HMCN2: variants seen among roughly 807,000 people sequenced by gnomAD.
HMCN2 encodes hemicentin-2.
In HMCN2, 325 loss-of-function variants were observed where a neutral mutation model predicts 377.5. That is an observed-to-expected ratio of 0.86 (90% CI 0.79 to 0.94). The LOEUF is 0.94. Ranked by LOEUF, HMCN2 falls within the 40% of genes least tolerant of loss-of-function variation. The pLI is 0.00. For missense variants in HMCN2, 4,543 were observed against 4,725.3 expected (o/e 0.96, Z 1.13); for synonymous variants, 2,007 against 2,046.8 (o/e 0.98, Z 0.53).
rs1173204855 is a variant in HMCN2 at position 130,285,337 on chromosome 9, G to A, written c.489+21G>A. 8.5e-6 allele frequency: 4 copies of A among 470,186 alleles called. No individual in the cohort carries two copies. The East Asian group carries it at 2.8e-4, about 33-fold the overall frequency. The allele number at this position is 470,186 out of a possible 1,614,324, so 29.1% of individuals were successfully genotyped here. A position where few individuals can be genotyped will look rare whatever the true frequency, so the allele number is the denominator to read the frequency against. ...CACAGGTGGGTGAGCCGGCTGTGGG[G>A]GCCCAAAGTGGGGTCCCCCGGGGGT... On this transcript the variant is annotated intron_variant, in intron 3 of 97. Coordinates refer to ENST00000683500, the MANE Select transcript of HMCN2 (RefSeq NM_001291815.2).
chr9:130,355,036 A>C lies in HMCN2; in HGVS notation c.5138A>C (p.Glu1713Ala). The change falls in exon 32 of 98, where the codon GAG (glutamate) becomes GCG (alanine). Residue 1713 changes from glutamate to alanine, a missense_variant. Around this residue, in one of 5 missense-constraint regions of HMCN2, gnomAD observed 1,032 missense variants for 1,285.1 expected, o/e 0.80. Transcript: ENST00000683500. ...AGEAVLQYSV[E>A]VQVPPQLLVA... ...GAAGCCGTCCTGCAGTACTCCGTGG[A>C]GGTTCAGGGTGAGCCCGGCCCACCC... 7.8e-7 allele frequency: 1 copy of C among 1,279,372 alleles called. No individual in the cohort carries two copies. The highest frequency in any genetic ancestry group is 1.0e-6 in the Non-Finnish European group (1 of 981,252). The allele number at this position is 1,279,372 out of a possible 1,614,324, so 79.3% of individuals were successfully genotyped here.
chr9:130,398,991 A>G (rs931315372), intron 75 of HMCN2, among the ~76,000 whole-genome samples: 4 of 152,080 alleles, frequency 2.6e-5, no homozygotes, highest in Non-Finnish European at 5.9e-5. Context: ...GGTAGCTCAC[A>G]CCTGTAGTCC....
intron 62 of HMCN2, 28 bp downstream of exon 62, chr9:130,388,568 G>C: frequency 3.0e-6 from 3 of 987,944 alleles, no homozygotes; most frequent in Non-Finnish European, 3.6e-6. Flanking sequence ...TGTCTGTTTC[G>C]CGTAAAGCAT....
rs782028596 is a variant in HMCN2, at chr9:130,303,528, A to C, written c.1463A>C (p.Lys488Thr). The C allele has an allele frequency of 4.6e-6, 2 of 439,276 alleles. No individual in the cohort carries two copies. The highest frequency in any genetic ancestry group is 3.3e-5 in the South Asian group (2 of 60,356). The allele number at this position is 439,276 out of a possible 1,614,324, so 27.2% of individuals were successfully genotyped here. ...AGCTGGGAGATCCTGCGGGCCTCCA[A>C]GGCCGAGGAGGGCACGTACGAGTGC... ...NSSWEILRAS[K>T]AEEGTYECTA... The change falls in exon 10 of 98, where the codon AAG becomes ACG. Residue 488 changes from lysine (K) to threonine (T), a missense_variant. This residue lies in a region of HMCN2 where 547 missense variants were observed against 189.9 expected (regional missense o/e 2.88). Coordinates refer to ENST00000683500, the MANE Select transcript of HMCN2 (RefSeq NM_001291815.2). The surrounding 1 kb of genome is among the most constrained non-coding windows in gnomAD (Gnocchi z 5.2).
At chr9:130,350,857 C>T (rs1008945914) in intron 29 of HMCN2, among the ~76,000 whole-genome samples, 2 of 151,854 alleles carry the variant, frequency 1.3e-5, no homozygotes, top group Non-Finnish European at 1.5e-5. Context: ...AGTGAGCCAT[C>T]GTACTACTGC....
In HMCN2 at chr9:130,427,505, G is replaced by A. The variant is rs114784373; in HGVS notation, c.13951G>A (p.Glu4651Lys). Residue 4651 changes from glutamate (E) to lysine (K), a missense_variant, in exon 92 of 98, where the codon GAG becomes AAG. Glu to Lys is a moderately conservative substitution (Grantham distance 56). This residue lies in a region of HMCN2 where 1,155 missense variants were observed against 1,157.7 expected (regional missense o/e 1.00). Coordinates refer to ENST00000683500, the MANE Select transcript of HMCN2 (RefSeq NM_001291815.2). ...SQGAFCVDRD[E>K]CSGGPSPCSH... ...ACCCCTTCCTGCCCCAGACAGGGAC[G>A]AGTGCTCAGGAGGCCCTAGCCCCTG... is the stretch of plus-strand genomic sequence containing the variant. The A allele has an allele frequency of 3.4e-5, 53 of 1,550,456 alleles. No homozygotes were observed. The highest frequency in any genetic ancestry group is 7.8e-5 in the Admixed American group (4 of 51,002).
At position 130,433,356 on chromosome 9, in the gene HMCN2, T is replaced by A; in HGVS notation, c.14903T>A (p.Phe4968Tyr). 6.9e-7 allele frequency: 1 copy of A among 1,455,526 alleles called. No homozygotes were observed. The highest frequency in any genetic ancestry group is 1.4e-5 in the South Asian group (1 of 73,772). The allele number at this position is 1,455,526 out of a possible 1,614,324, so 90.2% of individuals were successfully genotyped here. A position where few individuals can be genotyped will look rare whatever the true frequency, so the allele number is the denominator to read the frequency against. ...GTCTGTGCCGCCCGCAGGACGTGCT[T>A]CCGGCGCTGCTCGCAGGACTGCGGC... Reference protein sequence around the residue: ...YRQGPSPGTCFRRCSQDCGTG... With the variant: ...YRQGPSPGTCYRRCSQDCGTG... Residue 4968 changes from phenylalanine to tyrosine, a missense_variant, in exon 98 of 98, where the codon TTC (phenylalanine) becomes TAC (tyrosine). Phe to Tyr is a conservative substitution (Grantham distance 22). Transcript: ENST00000683500.
intron 85 of HMCN2, 32 bp downstream of exon 85, chr9:130,410,684 G>A (rs1452447023): frequency 4.5e-6 from 7 of 1,542,846 alleles, no homozygotes; most frequent in Non-Finnish European, 5.3e-6. Flanking sequence ...GTGGGGACGT[G>A]GGAAGTGTGC....
At position 130,434,014 on chromosome 9, in the gene HMCN2, G is replaced by T; in HGVS notation, c.*321G>T. On this transcript the variant is annotated 3_prime_UTR_variant, in exon 98 of 98. Transcript: ENST00000683500. ...AGGGACACAGGGCACCTGGACGCGC[G>T]GGAGAGGGGGCAGACCCCGCGTTAG... The T allele has an allele frequency of 3.5e-6, 1 of 282,778 alleles. No homozygotes were observed. The highest frequency in any genetic ancestry group is 6.6e-6 in the Non-Finnish European group (1 of 152,548). The allele number at this position is 282,778 out of a possible 1,614,324, so 17.5% of individuals were successfully genotyped here.
chr9:130,287,164 C>T (rs1261270135), intron 4 of HMCN2, among the ~76,000 whole-genome samples: 6 of 152,170 alleles, frequency 3.9e-5, no homozygotes, highest in South Asian at 2.1e-4. Flanking sequence ...CACTGGATCC[C>T]GCACAGGCAC....
chr9:130,418,577 A>G (rs1338944882), intron 85 of HMCN2, among the ~76,000 whole-genome samples, 195 bp from the exon 86 acceptor site: 1 of 152,298 alleles, frequency 6.6e-6, no homozygotes, highest in East Asian at 1.9e-4. Flanking sequence ...ATACGGCCAT[A>G]TGATCATATT....
At chr9:130,355,535 A>C (rs1268448027) in intron 32 of HMCN2, among the ~76,000 whole-genome samples, 1 of 152,136 alleles carries the variant, frequency 6.6e-6, no homozygotes, top group Non-Finnish European at 1.5e-5. Context: ...GGCAGATGTT[A>C]AATAATTAGG....
rs1220272708 is a variant in HMCN2, at chr9:130,423,630, G to A, written c.13381+904G>A. Among the ~76,000 whole-genome samples the A allele has an allele frequency of 1.3e-5, 2 of 152,210 alleles. No individual in the cohort carries two copies. The highest frequency in any genetic ancestry group is 2.9e-5 in the Non-Finnish European group (2 of 68,042). The stretch of plus-strand genomic sequence containing the variant: ...ATGCACAGGGGCCTGGCCAGCTCCT[G>A]TGAACCTTGCAAAGCTGGCACCGTC... On this transcript the variant is annotated intron_variant, in intron 87 of 97. Transcript: ENST00000683500. The surrounding 1 kb of genome is among the most constrained non-coding windows in gnomAD (Gnocchi z 5.5).
At chr9:130,342,744 G>C (rs1282553954) in intron 25 of HMCN2, among the ~76,000 whole-genome samples, 1 of 152,146 alleles carries the variant, frequency 6.6e-6, no homozygotes, top group African/African-American at 2.4e-5. Context: ...CAGCATCTGG[G>C]GGTGTGATCG....
intron 61 of HMCN2, among the ~76,000 whole-genome samples, chr9:130,387,265 A>T: frequency 6.6e-6 from 1 of 152,228 alleles, no homozygotes; most frequent in East Asian, 1.9e-4. Flanking sequence ...ATAGAGACTT[A>T]GCCGTGCCAC....
At position 130,385,504 on chromosome 9, in the gene HMCN2, G is replaced by A. The variant is rs982420658; in HGVS notation, c.9107-56G>A. 4 of 1,219,738 alleles carry A rather than the reference G, an allele frequency of 3.3e-6. No homozygotes were observed. In the African/African-American group the frequency reaches 6.2e-5, roughly 19 times the overall value. 75.6% of individuals were successfully genotyped at this position (1,219,738 alleles called of 1,614,324 possible). On this transcript the variant is annotated intron_variant, in intron 59 of 97. Coordinates refer to ENST00000683500, the MANE Select transcript of HMCN2 (RefSeq NM_001291815.2). ...CCACTGGCATTTTCCCTGTGGCTGAGTGGGGAGGGCGCAGGGACAGCTGCA... is the reference window on the plus strand; with the variant it reads ...CCACTGGCATTTTCCCTGTGGCTGAATGGGGAGGGCGCAGGGACAGCTGCA...
At chr9:130,359,537 C>G (rs1234907050) in intron 37 of HMCN2, 123 bp downstream of exon 37, 2 of 386,120 alleles carry the variant, frequency 5.2e-6, no homozygotes, top group South Asian at 2.2e-5. Flanking sequence ...GTCTTTCCCC[C>G]CCGTTTCTCT....
At chr9:130,403,008 G>A (rs41309952) in intron 78 of HMCN2, 112 bp downstream of exon 78, 23 of 1,011,600 alleles carry the variant, frequency 2.3e-5, no homozygotes, top group African/African-American at 6.7e-5. Context: ...CAGAGGCCCC[G>A]ACCTGTCTCC....
intron 62 of HMCN2, 28 bp from the exon 63 acceptor site, chr9:130,390,949 G>C (rs1842286331): frequency 1.7e-5 from 17 of 986,140 alleles, no homozygotes; most frequent in Non-Finnish European, 2.0e-5. Context: ...AGGGGCTGGG[G>C]GATTCAGGGG....
Sources: allele counts gnomAD v4.1 joint callset (sites outside exome capture counted in the v4.1 genomes callset), GRCh38; gene constraint gnomAD v4.1.1; regional missense constraint gnomAD v4.1.1; non-coding constraint Gnocchi (gnomAD v3.1); transcripts MANE v1.5; gene names NCBI Gene and HGNC (gene_info 2026-07-23, HGNC 2026-07-21).